The following HECTD4 variants were observed in gnomAD, a reference collection of about 807,000 sequenced individuals.
The protein encoded by HECTD4 is HECT domain E3 ubiquitin protein ligase 4.
HECTD4 carries 114 observed loss-of-function variants against 471.5 expected under a neutral mutation model. That is an observed-to-expected ratio of 0.24 (90% CI 0.21 to 0.28). The LOEUF is 0.28. Ranked by LOEUF, HECTD4 falls within the 10% of genes least tolerant of loss-of-function variation. The pLI, the probability that HECTD4 is intolerant of heterozygous loss-of-function variation, is 1.00. For synonymous variants in HECTD4, 2,012 were observed against 2,256.0 expected, an observed-to-expected ratio of 0.89 and a Z score of 3.07; for missense variants, 3,866 against 5,651.5, an observed-to-expected ratio of 0.68 and a Z score of 10.13.
intron 22 of HECTD4, 126 bp downstream of exon 22, chr12:112,253,917 G>C (rs993618147): frequency 1.1e-6 from 1 of 898,738 alleles, no homozygotes; most frequent in African/African-American, 1.7e-5. Context: ...GGCCTGGTAA[G>C]GTGGCTCCAC....
chr12:112,176,699 C>CCTG lies in HECTD4; in HGVS notation c.11364_11366dup (p.Ser3788dup). 6.2e-7 allele frequency: 1 copy of CCTG among 1,611,176 alleles called. No individual in the cohort carries two copies. Among genetic ancestry groups the CCTG allele is most frequent in the Non-Finnish European group, 8.5e-7 (1 of 1,177,360 alleles). ...TTGGCTTCTTCTCACTTAAGGCAGT[C>CCTG]CTGCTGTAGACCAAAGCACTGGAAT... On this transcript the variant is annotated inframe_insertion, in exon 65 of 76. Transcript: ENST00000682272.
chr12:112,323,878 C>G, intron 1 of HECTD4, among the ~76,000 whole-genome samples: 1 of 151,650 alleles, frequency 6.6e-6, no homozygotes, highest in East Asian at 1.9e-4. Flanking sequence ...AACTAGATAT[C>G]ACTGGGTAAA....
intron 44 of HECTD4, among the ~76,000 whole-genome samples, chr12:112,225,248 C>T (rs1353330735): frequency 5.4e-5 from 8 of 148,256 alleles, no homozygotes. Context: ...GTAACAAAAA[C>T]TACAAACAGA....
chr12:112,280,784 C>CTTTTTT (rs569956040), intron 8 of HECTD4, among the ~76,000 whole-genome samples: 2 of 115,246 alleles, frequency 1.7e-5, no homozygotes, highest in Non-Finnish European at 3.5e-5. Context: ...GGAATAAAAA[C>CTTTTTT]TTTTTTTTTT....
At chr12:112,300,896 T>G (rs996238591) in intron 7 of HECTD4, among the ~76,000 whole-genome samples, 4 of 152,066 alleles carry the variant, frequency 2.6e-5, no homozygotes, top group Non-Finnish European at 5.9e-5. Context: ...CTTTTTCTTT[T>G]TTTTTTGAGA....
In HECTD4 at chr12:112,314,472, G is replaced by T; in HGVS notation, c.770C>A (p.Ala257Asp). 1 of 1,525,562 alleles carries T rather than the reference G, an allele frequency of 6.6e-7. No homozygotes were observed. Among genetic ancestry groups the T allele is most frequent in the Non-Finnish European group, 8.8e-7 (1 of 1,137,346 alleles). 94.5% of individuals were successfully genotyped at this position (1,525,562 alleles called of 1,614,324 possible). ...KQTDLGSLPV[A>D]DVLYRLLLLE... is the part of the protein sequence containing the mutation. ...GACAACTTACCTATATAGCACATCAGCTACAGGCAGGGACCCTAGATCCGT... is the reference window on the plus strand; with the variant it reads ...GACAACTTACCTATATAGCACATCATCTACAGGCAGGGACCCTAGATCCGT... Residue 257 changes from alanine (A) to aspartate (D), a missense_variant, in exon 3 of 76, where the codon GCT becomes GAT. Physicochemically the swap from Ala to Asp is moderately radical, Grantham distance 126. Coordinates refer to ENST00000682272, the MANE Select transcript of HECTD4 (RefSeq NM_001388303.1).
At position 112,362,075 on chromosome 12, in the gene HECTD4, T is replaced by C. The variant is rs559696052; in HGVS notation, c.177+19877A>G. Among the ~76,000 whole-genome samples the C allele has an allele frequency of 3.9e-5, 6 of 152,324 alleles. No individual in the cohort carries two copies. The South Asian group carries it at 1.2e-3, about 32-fold the overall frequency. On this transcript the variant is annotated intron_variant, in intron 1 of 75. Coordinates refer to ENST00000682272, the MANE Select transcript of HECTD4 (RefSeq NM_001388303.1). ...TCCCAATTACAATGTATGTAGGAAT[T>C]GTCAAACAGACTTGCAACCAGAGGG...
chr12:112,250,085 T>C, intron 25 of HECTD4, 59 bp downstream of exon 25: 3 of 1,192,716 alleles, frequency 2.5e-6, no homozygotes, highest in Non-Finnish European at 3.7e-6. Flanking sequence ...TATACCCATT[T>C]CAATTGTTTA....
intron 60 of HECTD4, among the ~76,000 whole-genome samples, chr12:112,186,039 G>A (rs918337843): frequency 1.3e-5 from 2 of 152,192 alleles, no homozygotes; most frequent in Non-Finnish European, 2.9e-5. Context: ...AGGCTGAAGT[G>A]CAGTGGCACA....
chr12:112,196,849 G>A (rs1351870943), intron 55 of HECTD4, among the ~76,000 whole-genome samples: 3 of 152,122 alleles, frequency 2.0e-5, no homozygotes, highest in Non-Finnish European at 4.4e-5. Context: ...AGGCTGGAGT[G>A]CAGTGGTGTG....
At chr12:112,270,177 T>C in intron 12 of HECTD4, 50 bp downstream of exon 12, 1 of 1,519,116 alleles carries the variant, frequency 6.6e-7, no homozygotes, top group Non-Finnish European at 9.1e-7. Context: ...AGCCAAGGTT[T>C]GCGTTTCCTT....
chr12:112,223,287 G>C (rs1191113898), intron 44 of HECTD4, among the ~76,000 whole-genome samples: 1 of 152,210 alleles, frequency 6.6e-6, no homozygotes, highest in Non-Finnish European at 1.5e-5. Flanking sequence ...GGAGATTCTA[G>C]CTTCTGCAAG....
intron 10 of HECTD4, among the ~76,000 whole-genome samples, 176 bp downstream of exon 10, chr12:112,274,671 C>T (rs1026644328): frequency 2.6e-5 from 4 of 152,182 alleles, no homozygotes; most frequent in African/African-American, 9.6e-5. Context: ...CGTAACACTT[C>T]ACTCCAGCCT....
In HECTD4 at chr12:112,193,492, T is replaced by G. The variant is rs1291890882; in HGVS notation, c.8932A>C (p.Lys2978Gln). ...ACCTGCAGGAAAGAGCAGATCTGTT[T>G]CGTCAGCTCTAAAAGGCTCTCCTCG... ...QGEESLLELT[K>Q]QICSFLQTAP... Residue 2978 changes from lysine (K) to glutamine (Q), a missense_variant, in exon 57 of 76, where the codon AAA becomes CAA. Around this residue, in one of 16 missense-constraint regions of HECTD4, gnomAD observed 364 missense variants for 413.2 expected, o/e 0.88. Coordinates refer to ENST00000682272, the MANE Select transcript of HECTD4 (RefSeq NM_001388303.1). The surrounding 1 kb of genome is among the most constrained non-coding windows in gnomAD (Gnocchi z 5.2). 1.4e-5 allele frequency: 22 copies of G among 1,610,234 alleles called. No individual in the cohort carries two copies. Among genetic ancestry groups the G allele is most frequent in the Non-Finnish European group, 1.9e-5 (22 of 1,178,334 alleles).
chr12:112,299,558 G>A (rs2035119956), intron 7 of HECTD4, among the ~76,000 whole-genome samples: 1 of 151,996 alleles, frequency 6.6e-6, no homozygotes, highest in Non-Finnish European at 1.5e-5. Context: ...AGGAGTCTGA[G>A]GCTGCAGTGA....
In HECTD4 at chr12:112,265,993, A is replaced by G. The variant is rs1425444862; in HGVS notation, c.2393-10T>C. On this transcript the variant is annotated splice_polypyrimidine_tract_variant and intron_variant, in intron 14 of 75. Coordinates refer to ENST00000682272, the MANE Select transcript of HECTD4 (RefSeq NM_001388303.1). Reference sequence around the variant, plus strand: ...CCACTGTTTCTCTCTCCTAACACAGAAGAAAGCTCCATCAACTACCCTGGT... The same window carrying G: ...CCACTGTTTCTCTCTCCTAACACAGGAGAAAGCTCCATCAACTACCCTGGT... 1.9e-6 allele frequency: 3 copies of G among 1,594,880 alleles called. No homozygotes were observed. Among genetic ancestry groups the G allele is most frequent in the African/African-American group, 2.7e-5 (2 of 74,496 alleles).
intron 55 of HECTD4, among the ~76,000 whole-genome samples, chr12:112,197,336 T>G (rs562801556): frequency 6.6e-6 from 1 of 152,214 alleles, no homozygotes; most frequent in African/African-American, 2.4e-5. Context: ...AAAAAAAAAT[T>G]TGAGACAAGG....
At chr12:112,227,669 G>A (rs988778673) in intron 43 of HECTD4, among the ~76,000 whole-genome samples, 10 of 151,718 alleles carry the variant, frequency 6.6e-5, no homozygotes, top group African/African-American at 1.9e-4. Flanking sequence ...ATGGAGTTTC[G>A]CTCTTGTTGC....
At chr12:112,222,108 G>A (rs2033114410) in intron 44 of HECTD4, among the ~76,000 whole-genome samples, 1 of 152,008 alleles carries the variant, frequency 6.6e-6, no homozygotes, top group African/African-American at 2.4e-5. Context: ...ATTTTTAGTA[G>A]AGACGGGGTT....
Sources: allele counts gnomAD v4.1 joint callset (sites outside exome capture counted in the v4.1 genomes callset), GRCh38; gene constraint gnomAD v4.1.1; regional missense constraint gnomAD v4.1.1; non-coding constraint Gnocchi (gnomAD v3.1); transcripts MANE v1.5; gene names NCBI Gene and HGNC (gene_info 2026-07-23, HGNC 2026-07-21).